Variants in LRRC72 observed in about 807,000 individuals in gnomAD.
LRRC72 encodes the protein leucine rich repeat containing 72.
A neutral mutation model predicts 35.8 loss-of-function variants in LRRC72; 41 were observed. The ratio of observed to expected loss-of-function variants is 1.15; its 90% CI spans 0.89 to 1.49. The LOEUF (loss-of-function observed/expected upper bound fraction) is 1.49, where lower values mean the gene tolerates loss of function less well. LRRC72 is among the 40% of genes most tolerant of loss of function. The probability of loss-of-function intolerance (pLI) is 0.00; values close to 1 mark genes in which losing one functional copy is unlikely to be tolerated. For synonymous variants in LRRC72, 118 were observed against 119.2 expected, an observed-to-expected ratio of 0.99 and a Z score of 0.07; for missense variants, 389 against 330.7, an observed-to-expected ratio of 1.18 and a Z score of -1.37.
intron 7 of LRRC72, among the ~76,000 whole-genome samples, chr7:16,578,331 G>A (rs1783079310): frequency 1.3e-5 from 2 of 152,096 alleles, no homozygotes; most frequent in African/African-American, 4.8e-5. Flanking sequence ...AAATTAGCCA[G>A]GCGTGGTAGC....
At chr7:16,537,796 TA>T (rs1782285491) in intron 3 of LRRC72, 100 bp downstream of exon 3, 1 of 698,724 alleles carries the variant, frequency 1.4e-6, no homozygotes, top group East Asian at 3.0e-5. Context: ...AATTTTTGCT[TA>T]AAATTTAAAT....
chr7:16,539,452 T>C (rs1445375111), intron 3 of LRRC72, among the ~76,000 whole-genome samples: 2 of 152,196 alleles, frequency 1.3e-5, no homozygotes, highest in Admixed American at 1.3e-4. Context: ...ACTGAAACTT[T>C]TATTTAAAAG....
chr7:16,567,915 A>G (rs1438837888), intron 7 of LRRC72, among the ~76,000 whole-genome samples: 1 of 152,178 alleles, frequency 6.6e-6, no homozygotes, highest in Non-Finnish European at 1.5e-5. Flanking sequence ...TTGATAATAT[A>G]GAAAAAACAT....
rs781137796 is a variant in LRRC72 at position 16,557,445 on chromosome 7, C to T, written c.316+4C>T. 1.2e-5 allele frequency: 14 copies of T among 1,161,146 alleles called. No individual in the cohort carries two copies. The highest frequency in any genetic ancestry group is 4.1e-4 in the Middle Eastern group (2 of 4,918). 71.9% of individuals were successfully genotyped at this position (1,161,146 alleles called of 1,614,324 possible). On this transcript the variant is annotated splice_donor_region_variant and intron_variant, in intron 4 of 8. Coordinates refer to ENST00000401542, the MANE Select transcript of LRRC72 (RefSeq NM_001195280.2). The stretch of plus-strand genomic sequence containing the variant: ...AATGCAATATTTGAGATAGAAGGTA[C>T]GTCTTAAATTCTCTGTTGATTTAAT...
chr7:16,562,818 G>A (rs1026236966), intron 5 of LRRC72, among the ~76,000 whole-genome samples: 5 of 152,154 alleles, frequency 3.3e-5, no homozygotes, highest in African/African-American at 7.2e-5. Context: ...AACCAACAGT[G>A]TTTTTCACCA....
At chr7:16,558,766 T>G (rs1782694409) in intron 4 of LRRC72, 123 bp from the exon 5 acceptor site, 3 of 379,206 alleles carry the variant, frequency 7.9e-6, no homozygotes, top group South Asian at 1.8e-4. Context: ...TAACCAGCTA[T>G]CATATGTTTT....
At position 16,581,373 on chromosome 7, in the gene LRRC72, A is replaced by G; in HGVS notation, c.748A>G (p.Arg250Gly). The G allele has an allele frequency of 6.5e-7, 1 of 1,548,136 alleles. No individual in the cohort carries two copies. Among genetic ancestry groups the G allele is most frequent in the Non-Finnish European group, 8.7e-7 (1 of 1,145,774 alleles). The change falls in exon 9 of 9, where the codon AGA becomes GGA. Residue 250 changes from arginine to glycine, a missense_variant. Arg to Gly is a moderately radical substitution (Grantham distance 125). Coordinates refer to ENST00000401542, the MANE Select transcript of LRRC72 (RefSeq NM_001195280.2). ...EDAVFVRSMK[R>G]SVMTLTSMNW... The stretch of plus-strand genomic sequence containing the variant: ...TGCTGTTTTTGTGAGGTCCATGAAG[A>G]GATCAGTGATGACTTTGACCTCTAT...
chr7:16,532,017 G>C (rs1304590820), intron 1 of LRRC72, among the ~76,000 whole-genome samples: 2 of 151,928 alleles, frequency 1.3e-5, no homozygotes, highest in Non-Finnish European at 2.9e-5. Flanking sequence ...GAATTTACTG[G>C]GTGCCAAGCA....
intron 3 of LRRC72, among the ~76,000 whole-genome samples, chr7:16,542,270 C>A (rs1393666153): frequency 6.6e-6 from 1 of 152,158 alleles, no homozygotes; most frequent in Non-Finnish European, 1.5e-5. Context: ...GCACCATCAA[C>A]TGTTTTACTT....
intron 5 of LRRC72, among the ~76,000 whole-genome samples, chr7:16,563,827 T>C (rs573304933): frequency 6.6e-6 from 1 of 152,358 alleles, no homozygotes; most frequent in East Asian, 1.9e-4. Context: ...GAGGATGGGC[T>C]AACAGTTCAG....
intron 7 of LRRC72, among the ~76,000 whole-genome samples, chr7:16,576,292 T>G (rs1306006952): frequency 6.6e-6 from 1 of 152,198 alleles, no homozygotes; most frequent in Admixed American, 6.5e-5. Flanking sequence ...GCTTCTATAT[T>G]TGTTTTTTTA....
chr7:16,543,722 G>A (rs1306273353), intron 3 of LRRC72, among the ~76,000 whole-genome samples: 1 of 152,178 alleles, frequency 6.6e-6, no homozygotes. Context: ...TCCTGGGAGA[G>A]GCTCTCTTAT....
At chr7:16,527,783 G>A (rs896870692) in intron 1 of LRRC72, among the ~76,000 whole-genome samples, 1 of 152,174 alleles carries the variant, frequency 6.6e-6, no homozygotes, top group African/African-American at 2.4e-5. Context: ...GTGCCTGCGT[G>A]TTGCATGGAG....
chr7:16,575,712 T>G (rs1263748959), intron 7 of LRRC72, among the ~76,000 whole-genome samples: 3 of 152,202 alleles, frequency 2.0e-5, no homozygotes, highest in East Asian at 1.9e-4. Context: ...AAGTCCTTCC[T>G]TTTACTTCAT....
chr7:16,536,523 T>C (rs1782260767), intron 2 of LRRC72, among the ~76,000 whole-genome samples: 1 of 152,062 alleles, frequency 6.6e-6, no homozygotes, highest in Admixed American at 6.5e-5. Flanking sequence ...AACCAATAAA[T>C]ATATAAATTA....
intron 5 of LRRC72, among the ~76,000 whole-genome samples, chr7:16,560,272 T>C (rs1219974883): frequency 4.6e-5 from 7 of 152,214 alleles, no homozygotes; most frequent in African/African-American, 1.7e-4. Context: ...TAAGCTAGTA[T>C]TGATGGTGAA....
rs141136275 is a variant in LRRC72 at position 16,564,530 on chromosome 7, A to G, written c.428-1783A>G. On this transcript the variant is annotated intron_variant, in intron 5 of 8. Transcript: ENST00000401542. ...GAAATCTTGAAAAAAAAAAAGTTTT[A>G]TTTTTCTTCTCATTTTCTCCATTAC... Among the ~76,000 whole-genome samples the G allele has an allele frequency of 3.8e-3, 582 of 151,280 alleles. 3 individuals are homozygous for G. The highest frequency in any genetic ancestry group is 0.013 in the African/African-American group (538 of 41,188).
At chr7:16,540,882 G>T (rs1179860287) in intron 3 of LRRC72, among the ~76,000 whole-genome samples, 3 of 152,050 alleles carry the variant, frequency 2.0e-5, no homozygotes, top group African/African-American at 7.3e-5. Context: ...CTTTATAAAT[G>T]ACCCAGTCTT....
At chr7:16,560,256 CAG>C (rs1401206477) in intron 5 of LRRC72, among the ~76,000 whole-genome samples, 2 of 152,106 alleles carry the variant, frequency 1.3e-5, no homozygotes, top group African/African-American at 4.8e-5. Flanking sequence ...GTGTTTTGAA[CAG>C]TTGTAAGCTA....
Sources: allele counts gnomAD v4.1 joint callset (sites outside exome capture counted in the v4.1 genomes callset), GRCh38; gene constraint gnomAD v4.1.1; transcripts MANE v1.5; gene names NCBI Gene and HGNC (gene_info 2026-07-23, HGNC 2026-07-21).